Variants in MEIS2 observed in about 807,000 individuals in gnomAD.
MEIS2 encodes homeobox protein Meis2.
Under a neutral mutation model 58.6 loss-of-function variants are expected in MEIS2, and 9 were observed. The ratio of observed to expected loss-of-function variants is 0.15; its 90% CI spans 0.09 to 0.27. The LOEUF is 0.27. Among genes scored for constraint, MEIS2 ranks in the 10% least tolerant of loss-of-function variants. The probability of loss-of-function intolerance (pLI) is 1.00; values close to 1 mark genes in which losing one functional copy is unlikely to be tolerated. For synonymous variants in MEIS2, 221 were observed against 228.4 expected (o/e 0.97, Z 0.29); for missense variants, 427 against 635.0 (o/e 0.67, Z 3.52).
intron 8 of MEIS2, among the ~76,000 whole-genome samples, chr15:37,032,579 C>G (rs758642958): frequency 1.3e-5 from 2 of 152,160 alleles, no homozygotes; most frequent in Admixed American, 6.5e-5. Context: ...TACTTTCCAG[C>G]AAAGGCACAC....
intron 7 of MEIS2, among the ~76,000 whole-genome samples, chr15:37,041,985 T>C (rs1410630628): frequency 6.6e-6 from 1 of 152,048 alleles, no homozygotes; most frequent in Non-Finnish European, 1.5e-5. Context: ...GAGACCAACC[T>C]GGGCAACATA....
chr15:36,896,910 G>A, intron 9 of MEIS2: 1 of 476,120 alleles, frequency 2.1e-6, no homozygotes, highest in Non-Finnish European at 3.8e-6. Context: ...AGAGCTCAGG[G>A]ACGGAATAAA....
rs760957458 is a variant in MEIS2, at chr15:37,065,544, G to A, written c.754+18227C>T. On this transcript the variant is annotated intron_variant, in intron 7 of 11. Coordinates refer to ENST00000561208, the MANE Select transcript of MEIS2 (RefSeq NM_170675.5). ...CAGAAGCACCTTTCAATTAAAGAGT[G>A]TGGTTTTATTTTACTGCTTCAATAT... Among the ~76,000 whole-genome samples, 91 of 152,142 alleles carry A rather than the reference G, an allele frequency of 6.0e-4. 1 individual carries two copies. The highest frequency in any genetic ancestry group is 3.3e-4 in the Admixed American group (5 of 15,264).
chr15:37,082,755 C>T (rs1567274056), intron 7 of MEIS2, among the ~76,000 whole-genome samples: 1 of 152,076 alleles, frequency 6.6e-6, no homozygotes, highest in African/African-American at 2.4e-5. Flanking sequence ...GGACATTTTT[C>T]TAGACTCTTC....
At chr15:37,044,609 T>A (rs2062583836) in intron 7 of MEIS2, among the ~76,000 whole-genome samples, 1 of 152,172 alleles carries the variant, frequency 6.6e-6, no homozygotes, top group Non-Finnish European at 1.5e-5. Context: ...TTTTCTTTCC[T>A]CCTTTCCCAT....
intron 8 of MEIS2, among the ~76,000 whole-genome samples, chr15:37,009,297 AT>A (rs1251402186): frequency 1.3e-5 from 2 of 152,354 alleles, no homozygotes; most frequent in African/African-American, 4.8e-5. Context: ...TCAAAAAAAA[AT>A]AAAAAATAAA....
intron 7 of MEIS2, among the ~76,000 whole-genome samples, chr15:37,061,708 G>A (rs1889242622): frequency 6.6e-6 from 1 of 152,026 alleles, no homozygotes; most frequent in African/African-American, 2.4e-5. Context: ...ATTATAAAAG[G>A]AGGCAGGAAT....
Position 37,006,254 on chromosome 15 carries a change from T to C in MEIS2, c.900+30560A>G, listed in dbSNP as rs535320420. 2.0e-5 allele frequency among the ~76,000 whole-genome samples: 3 copies of C among 152,346 alleles called. No homozygotes were observed. In the East Asian group the frequency reaches 5.8e-4, roughly 29 times the overall value. ...CATACCATAAAAAATCATTAAACTG[T>C]TGACAGAAGTAAAGATAATTAGCTA... On this transcript the variant is annotated intron_variant, in intron 8 of 11. Coordinates refer to ENST00000561208, the MANE Select transcript of MEIS2 (RefSeq NM_170675.5).
Position 37,080,987 on chromosome 15 carries a change from T to A in MEIS2, c.754+2784A>T, listed in dbSNP as rs188311178. Among the ~76,000 whole-genome samples, 169 of 152,328 alleles carry A rather than the reference T, an allele frequency of 1.1e-3. 1 individual carries two copies. The highest frequency in any genetic ancestry group is 4.0e-3 in the African/African-American group (166 of 41,566). Reference sequence around the variant, plus strand: ...ACCTGTGTAACTGTAGCTGTTTCACTATCAGGTCATAAAACAAGGTATTTT... The same window carrying A: ...ACCTGTGTAACTGTAGCTGTTTCACAATCAGGTCATAAAACAAGGTATTTT... On this transcript the variant is annotated intron_variant, in intron 7 of 11. Transcript: ENST00000561208.
intron 8 of MEIS2, among the ~76,000 whole-genome samples, chr15:36,951,584 C>G (rs930885238): frequency 6.6e-6 from 1 of 152,086 alleles, no homozygotes; most frequent in African/African-American, 2.4e-5. Context: ...CGCACAATTA[C>G]TTATTAGCAA....
chr15:36,981,803 G>A (rs2059934762), intron 8 of MEIS2, among the ~76,000 whole-genome samples: 1 of 152,120 alleles, frequency 6.6e-6, no homozygotes, highest in Non-Finnish European at 1.5e-5. Flanking sequence ...CATCCCATCT[G>A]TTGAGGGCCC....
At chr15:37,012,220 T>C (rs935954693) in intron 8 of MEIS2, among the ~76,000 whole-genome samples, 1 of 152,170 alleles carries the variant, frequency 6.6e-6, no homozygotes, top group Non-Finnish European at 1.5e-5. Context: ...AAAAGGAACA[T>C]TGATGGGTAC....
chr15:37,093,841 AAC>A, intron 5 of MEIS2, 111 bp from the exon 6 acceptor site: 1 of 1,402,658 alleles, frequency 7.1e-7, no homozygotes. Context: ...TGCAAAGAGC[AAC>A]AGTGTGATGT....
At chr15:36,957,768 C>G (rs958354967) in intron 8 of MEIS2, among the ~76,000 whole-genome samples, 3 of 152,202 alleles carry the variant, frequency 2.0e-5, no homozygotes, top group African/African-American at 7.2e-5. Flanking sequence ...TCAATACATA[C>G]TTGTTACTGA....
At chr15:36,992,105 A>G (rs568736204) in intron 8 of MEIS2, among the ~76,000 whole-genome samples, 82 of 152,110 alleles carry the variant, frequency 5.4e-4, no homozygotes, top group African/African-American at 2.0e-3. Context: ...TTAATTTTCA[A>G]TCGAATAACT....
Position 36,889,702 on chromosome 15 carries a change from A to G in MEIS2, c.*2471T>C, listed in dbSNP as rs1365605190. On this transcript the variant is annotated 3_prime_UTR_variant, in exon 12 of 12. Coordinates refer to ENST00000561208, the MANE Select transcript of MEIS2 (RefSeq NM_170675.5). ...AAACCCTTCAGAATTTACTGAGTGG[A>G]AAGAAAAAAAGGTTCTTTTTCCCAC... 1 of 152,224 alleles carries G rather than the reference A, an allele frequency of 6.6e-6. No homozygotes were observed. The highest frequency in any genetic ancestry group is 1.5e-5 in the Non-Finnish European group (1 of 68,034). The allele number at this position is 152,224 out of a possible 1,614,324, so 9.4% of individuals were successfully genotyped here.
chr15:36,947,956 A>G (rs895659217), intron 9 of MEIS2, among the ~76,000 whole-genome samples: 2 of 151,934 alleles, frequency 1.3e-5, no homozygotes, highest in East Asian at 1.9e-4. Context: ...TTCACTTTCA[A>G]ATTTCTTTCT....
chr15:36,996,032 TACACACACACACAC>T (rs1205549790), intron 8 of MEIS2, among the ~76,000 whole-genome samples: 7,721 of 115,900 alleles, frequency 0.067, 419 homozygotes, highest in South Asian at 0.096. Context: ...TGTATATATA[TACACACACACACAC>T]ATATATATAT....
intron 7 of MEIS2, 142 bp downstream of exon 7, chr15:37,083,628 AC>A: frequency 1.8e-6 from 1 of 560,318 alleles, no homozygotes; most frequent in Non-Finnish European, 3.1e-6. Context: ...AAGAGGAAAT[AC>A]TGTCTCTTTA....
Sources: allele counts gnomAD v4.1 joint callset (sites outside exome capture counted in the v4.1 genomes callset), GRCh38; gene constraint gnomAD v4.1.1; transcripts MANE v1.5; gene names NCBI Gene and HGNC (gene_info 2026-07-23, HGNC 2026-07-21).